GCA: variants seen among roughly 807,000 people sequenced by gnomAD.
GCA encodes the protein grancalcin, also known as grancalcin, EF-hand calcium-binding protein.
In GCA, 30 loss-of-function variants were observed where a neutral mutation model predicts 32.6. The ratio of observed to expected loss-of-function variants is 0.92; its 90% CI spans 0.69 to 1.25. GCA has a LOEUF of 1.25. Among genes scored for constraint, GCA ranks in the 50% most tolerant of loss-of-function variants. The probability of loss-of-function intolerance (pLI) is 0.00; values close to 1 mark genes in which losing one functional copy is unlikely to be tolerated. For synonymous variants in GCA, 102 were observed against 84.6 expected (o/e 1.21, Z -1.13); for missense variants, 291 against 266.8 (o/e 1.09, Z -0.63).
upstream of GCA, among the ~76,000 whole-genome samples, chr2:162,341,844 T>A (rs1278916988): frequency 1.3e-5 from 2 of 152,204 alleles, no homozygotes; most frequent in Non-Finnish European, 2.9e-5. Flanking sequence ...TTGTGGGTAG[T>A]GAAATACAAT....
chr2:162,323,770 C>T (rs1178183924), intron 1 of GCA, among the ~76,000 whole-genome samples: 1 of 151,778 alleles, frequency 6.6e-6, no homozygotes, highest in Admixed American at 6.5e-5. Flanking sequence ...TGATCTATAT[C>T]TCTGTTTTGG....
chr2:162,346,995 A>G (rs771689679), intron 1 of GCA, among the ~76,000 whole-genome samples: 3 of 152,252 alleles, frequency 2.0e-5, no homozygotes, highest in Non-Finnish European at 4.4e-5. Context: ...CCCTCAGGAT[A>G]CTACCAGAAC....
At chr2:162,356,305 T>C in intron 3 of GCA, 133 bp from the exon 4 acceptor site, 2 of 647,792 alleles carry the variant, frequency 3.1e-6, no homozygotes, top group South Asian at 2.0e-5. Context: ...CATTCAATAA[T>C]AGCTTGTTGA....
At position 162,362,038 on chromosome 2, in the gene GCA, T is replaced by C. The variant is rs1685594771; in HGVS notation, c.*1795T>C. 1.0e-6 allele frequency: 1 copy of C among 983,498 alleles called. No homozygotes were observed. Among genetic ancestry groups the C allele is most frequent in the Admixed American group, 6.2e-5 (1 of 16,114 alleles). 60.9% of individuals were successfully genotyped at this position (983,498 alleles called of 1,614,324 possible). A position where few individuals can be genotyped will look rare whatever the true frequency, so the allele number is the denominator to read the frequency against. On this transcript the variant is annotated 3_prime_UTR_variant, in exon 8 of 8. Coordinates refer to ENST00000437150, the MANE Select transcript of GCA (RefSeq NM_012198.5). ...TAAGCTTCTGCCAGGTGACACTCTA[T>C]ATTAGAACTCTTTAACACAATTTTC...
chr2:162,327,379 G>T (rs1195965029), intron 1 of GCA, among the ~76,000 whole-genome samples: 2 of 152,012 alleles, frequency 1.3e-5, no homozygotes, highest in Non-Finnish European at 1.5e-5. Flanking sequence ...CTCTCACTTG[G>T]TAAAAAACAG....
chr2:162,326,662 A>C (rs1183610557), intron 1 of GCA, among the ~76,000 whole-genome samples: 1 of 152,132 alleles, frequency 6.6e-6, no homozygotes, highest in South Asian at 2.1e-4. Flanking sequence ...GACTACAGGC[A>C]AGCCCCACCA....
chr2:162,323,252 GTTGT>G (rs1361750359), intron 1 of GCA, among the ~76,000 whole-genome samples: 1 of 151,794 alleles, frequency 6.6e-6, no homozygotes, highest in Admixed American at 6.5e-5. Flanking sequence ...TTTTGATGGG[GTTGT>G]TTGTTTTTTT....
chr2:162,323,261 T>C (rs1683749883), intron 1 of GCA, among the ~76,000 whole-genome samples: 3 of 151,294 alleles, frequency 2.0e-5, no homozygotes, highest in African/African-American at 7.4e-5. Context: ...GGTTGTTTGT[T>C]TTTTTCTTGT....
At chr2:162,364,487 T>G (rs1253292424), downstream of GCA, among the ~76,000 whole-genome samples, 1 of 151,538 alleles carries the variant, frequency 6.6e-6, no homozygotes, top group Non-Finnish European at 1.5e-5. Context: ...AGATTCTCAT[T>G]TTCTGATCAG....
At chr2:162,330,735 G>A (rs1169658360) in intron 1 of GCA, among the ~76,000 whole-genome samples, 2 of 152,158 alleles carry the variant, frequency 1.3e-5, no homozygotes, top group African/African-American at 4.8e-5. Flanking sequence ...GTGAGAACTA[G>A]GGATTAGGGC....
chr2:162,350,203 T>A (rs139047477), intron 2 of GCA, among the ~76,000 whole-genome samples: 5 of 152,198 alleles, frequency 3.3e-5, no homozygotes, highest in Admixed American at 6.5e-5. Flanking sequence ...AAAGCCTTAC[T>A]GGGAGCAAGC....
At position 162,344,214 on chromosome 2, in the gene GCA, C is replaced by G. The variant is rs965633677; in HGVS notation, c.-35C>G. 13 of 1,613,338 alleles carry G rather than the reference C, an allele frequency of 8.1e-6. No homozygotes were observed. The highest frequency in any genetic ancestry group is 3.3e-5 in the Admixed American group (2 of 59,978). On this transcript the variant is annotated 5_prime_UTR_variant, in exon 1 of 8. Coordinates refer to ENST00000437150, the MANE Select transcript of GCA (RefSeq NM_012198.5). ...TTCTCCCAGCACTGCGGACGCGACT[C>G]GAGGGTGACGCTCGCTCCGCTCGTC...
intron 3 of GCA, among the ~76,000 whole-genome samples, chr2:162,354,875 T>C (rs1018382202): frequency 6.6e-6 from 1 of 152,232 alleles, no homozygotes; most frequent in Non-Finnish European, 1.5e-5. Context: ...CTGTCAACTT[T>C]CCTGAAAAGT....
chr2:162,350,774 A>G (rs1684951872), intron 2 of GCA, among the ~76,000 whole-genome samples: 1 of 152,216 alleles, frequency 6.6e-6, no homozygotes, highest in African/African-American at 2.4e-5. Context: ...AACTCCATAA[A>G]GACAGGGTTC....
At position 162,362,553 on chromosome 2, in the gene GCA, G is replaced by A. The variant is rs1490345986; in HGVS notation, c.*2310G>A. 5 of 956,996 alleles carry A rather than the reference G, an allele frequency of 5.2e-6. No individual in the cohort carries two copies. The South Asian group carries it at 1.4e-4, about 28-fold the overall frequency. 59.3% of individuals were successfully genotyped at this position (956,996 alleles called of 1,614,324 possible). A position where few individuals can be genotyped will look rare whatever the true frequency, so the allele number is the denominator to read the frequency against. On this transcript the variant is annotated 3_prime_UTR_variant, in exon 8 of 8. Transcript: ENST00000437150. The stretch of plus-strand genomic sequence containing the variant: ...TTATTGAATAATGTACACTCTTAAT[G>A]TATAAGTGCTTTTATTTATACAGTA...
At chr2:162,328,493 T>C (rs1683968222) in intron 1 of GCA, among the ~76,000 whole-genome samples, 9 of 152,130 alleles carry the variant, frequency 5.9e-5, no homozygotes. Flanking sequence ...ACACTCACCT[T>C]CTAAGATCCC....
chr2:162,341,288 T>TG (rs1235145986), upstream of GCA, among the ~76,000 whole-genome samples: 5 of 142,550 alleles, frequency 3.5e-5, no homozygotes, highest in African/African-American at 1.3e-4. Context: ...TATATATATA[T>TG]ATATATATAT....
chr2:162,324,345 G>C (rs1245055467), intron 1 of GCA, among the ~76,000 whole-genome samples: 1 of 152,190 alleles, frequency 6.6e-6, no homozygotes, highest in East Asian at 1.9e-4. Context: ...GGGGAAGTCA[G>C]AAGGGGATGG....
Position 162,323,282 on chromosome 2 carries a change from G to A in GCA, c.-31+4057G>A, listed in dbSNP as rs1247147575. ...TTGTTTTTTTCTTGTAAATTTGTTT[G>A]AGTTCATTGTAGATTCTGGATATTA... On this transcript the variant is annotated intron_variant, in intron 1 of 4. Transcript: ENST00000429691. Among the ~76,000 whole-genome samples the A allele has an allele frequency of 1.8e-4, 28 of 151,858 alleles. 1 individual carries two copies. Among genetic ancestry groups the A allele is most frequent in the African/African-American group, 6.8e-4 (28 of 41,206 alleles).
Sources: allele counts gnomAD v4.1 joint callset (sites outside exome capture counted in the v4.1 genomes callset), GRCh38; gene constraint gnomAD v4.1.1; transcripts MANE v1.5; gene names NCBI Gene and HGNC (gene_info 2026-07-23, HGNC 2026-07-21).